BRINP3: variants seen among roughly 807,000 people sequenced by gnomAD.
BRINP3 encodes BMP/retinoic acid inducible neural specific 3.
Under a neutral mutation model 71.0 loss-of-function variants are expected in BRINP3, and 19 were observed. That is an observed-to-expected ratio of 0.27 (90% CI 0.19 to 0.39). BRINP3 has a LOEUF of 0.39. Ranked by LOEUF, BRINP3 falls within the 10% of genes least tolerant of loss-of-function variation. The probability of loss-of-function intolerance (pLI) is 1.00; values close to 1 mark genes in which losing one functional copy is unlikely to be tolerated. For missense variants in BRINP3, 959 were observed against 940.8 expected (o/e 1.02, Z -0.25); for synonymous variants, 380 against 337.7 (o/e 1.13, Z -1.37).
Position 190,268,202 on chromosome 1 carries a change from T to C in BRINP3, c.428-3147A>G, listed in dbSNP as rs527959061. Among the ~76,000 whole-genome samples, 3 of 152,274 alleles carry C rather than the reference T, an allele frequency of 2.0e-5. No individual in the cohort carries two copies. In the East Asian group the frequency reaches 5.8e-4, roughly 29 times the overall value. On this transcript the variant is annotated intron_variant, in intron 3 of 7. Coordinates refer to ENST00000367462, the MANE Select transcript of BRINP3 (RefSeq NM_199051.3). ...GCTATCCTCTATTACTTAAAATACA[T>C]TTATGAATAATTATAACTATTTATG... is the stretch of plus-strand genomic sequence containing the variant.
At chr1:190,386,348 C>T (rs1670906451) in intron 2 of BRINP3, among the ~76,000 whole-genome samples, 1 of 151,364 alleles carries the variant, frequency 6.6e-6, no homozygotes, top group African/African-American at 2.4e-5. Flanking sequence ...CAGGTCTGTA[C>T]TTGTGACATG....
intron 4 of BRINP3, among the ~76,000 whole-genome samples, chr1:190,260,217 A>T (rs1661064110): frequency 1.3e-5 from 2 of 152,038 alleles, no homozygotes. Context: ...AAATGTAGAG[A>T]TCCAATGTAT....
At chr1:190,365,472 TATTATAATATTA>T (rs1669422737) in intron 2 of BRINP3, among the ~76,000 whole-genome samples, 1 of 150,292 alleles carries the variant, frequency 6.7e-6, no homozygotes, top group East Asian at 1.9e-4. Context: ...ATTAAACAAA[TATTATAATATTA>T]ATTATAATGT....
chr1:190,220,486 C>A (rs1656781449), intron 6 of BRINP3, among the ~76,000 whole-genome samples: 1 of 151,850 alleles, frequency 6.6e-6, no homozygotes, highest in Non-Finnish European at 1.5e-5. Context: ...CCCGTGTATA[C>A]CTATGTAACA....
intron 6 of BRINP3, among the ~76,000 whole-genome samples, chr1:190,188,513 T>A (rs567364906): frequency 2.0e-5 from 3 of 152,278 alleles, no homozygotes; most frequent in Admixed American, 1.3e-4. Flanking sequence ...TATATAGCCT[T>A]TATTTCACTA....
intron 2 of BRINP3, among the ~76,000 whole-genome samples, chr1:190,412,402 T>TAG (rs995507102): frequency 1.4e-5 from 2 of 141,072 alleles, no homozygotes; most frequent in Non-Finnish European, 3.1e-5. Flanking sequence ...ATATTATATA[T>TAG]ATATATATAT....
At chr1:190,226,414 A>C in intron 5 of BRINP3, 96 bp from the exon 6 acceptor site, 2 of 653,208 alleles carry the variant, frequency 3.1e-6, no homozygotes, top group South Asian at 6.0e-5. Flanking sequence ...TAAATAATTT[A>C]GTGTATTAAA....
intron 6 of BRINP3, among the ~76,000 whole-genome samples, chr1:190,201,708 A>C (rs1305719487): frequency 2.6e-5 from 4 of 151,832 alleles, no homozygotes; most frequent in Non-Finnish European, 5.9e-5. Flanking sequence ...TGGTTGAAAT[A>C]GACCAACATA....
intron 2 of BRINP3, 130 bp downstream of exon 2, chr1:190,454,525 A>G (rs1042931472): frequency 6.0e-6 from 4 of 662,876 alleles, no homozygotes; most frequent in African/African-American, 3.6e-5. Flanking sequence ...AAACATTACT[A>G]TGGTGCATGG....
At chr1:190,355,527 C>CTT in intron 2 of BRINP3, among the ~76,000 whole-genome samples, 1 of 151,984 alleles carries the variant, frequency 6.6e-6, no homozygotes, top group South Asian at 2.1e-4. Flanking sequence ...TTTTTTACTG[C>CTT]TATAAACCTG....
At position 190,202,131 on chromosome 1, in the gene BRINP3, C is replaced by T. The variant is rs552155084; in HGVS notation, c.961+23951G>A. Among the ~76,000 whole-genome samples the T allele has an allele frequency of 2.1e-4, 32 of 152,252 alleles. 1 individual carries two copies. In the South Asian group the frequency reaches 6.6e-3, roughly 32 times the overall value. On this transcript the variant is annotated intron_variant, in intron 6 of 7. Coordinates refer to ENST00000367462, the MANE Select transcript of BRINP3 (RefSeq NM_199051.3). ...GGGAGGGAGACTGTACTCTTCAAAG[C>T]CACAGTGAAGAGCTGCCCAAGACCA...
chr1:190,465,684 T>C (rs563460227), intron 1 of BRINP3, among the ~76,000 whole-genome samples: 1 of 151,990 alleles, frequency 6.6e-6, no homozygotes, highest in African/African-American at 2.4e-5. Context: ...AAATTCTACT[T>C]TTTCTTGTTG....
chr1:190,170,707 G>T (rs1274105983), intron 6 of BRINP3, among the ~76,000 whole-genome samples: 1 of 152,144 alleles, frequency 6.6e-6, no homozygotes, highest in Non-Finnish European at 1.5e-5. Flanking sequence ...AATGGCAAAT[G>T]AAATTTAGGT....
Position 190,264,876 on chromosome 1 carries a change from T to A in BRINP3, c.607A>T (p.Thr203Ser). ...AAACTCATTCTTACCTTTATGGCAGTGGATGCAATTTGAATGTGGTGAAGT... is the reference window on the plus strand; with the variant it reads ...AAACTCATTCTTACCTTTATGGCAGAGGATGCAATTTGAATGTGGTGAAGT... ...RRLHHIQIAS[T>S]AIKVTETRTG... Residue 203 changes from threonine (T) to serine (S), a missense_variant, in exon 4 of 8, where the codon ACT (threonine) becomes TCT (serine). Physicochemically the swap from Thr to Ser is moderately conservative, Grantham distance 58. Coordinates refer to ENST00000367462, the MANE Select transcript of BRINP3 (RefSeq NM_199051.3). 1 of 1,613,128 alleles carries A rather than the reference T, an allele frequency of 6.2e-7. No individual in the cohort carries two copies. The highest frequency in any genetic ancestry group is 1.1e-5 in the South Asian group (1 of 91,006).
At chr1:190,184,621 A>C (rs1371070420) in intron 6 of BRINP3, among the ~76,000 whole-genome samples, 1 of 152,212 alleles carries the variant, frequency 6.6e-6, no homozygotes, top group Non-Finnish European at 1.5e-5. Flanking sequence ...TAAGCAAATT[A>C]ACGCAAAAAC....
chr1:190,301,238 C>A (rs369731148), intron 2 of BRINP3, among the ~76,000 whole-genome samples: 1 of 104,558 alleles, frequency 9.6e-6, no homozygotes, highest in Non-Finnish European at 2.0e-5. Context: ...TATATATACA[C>A]ACATACATAT....
intron 2 of BRINP3, among the ~76,000 whole-genome samples, chr1:190,399,358 A>C (rs1358610873): frequency 6.6e-6 from 1 of 151,818 alleles, no homozygotes; most frequent in African/African-American, 2.4e-5. Flanking sequence ...CTGACTAAAA[A>C]TAGAAAATCT....
rs113351839 is a variant in BRINP3, at chr1:190,364,810, G to A, written c.237-83060C>T. On this transcript the variant is annotated intron_variant, in intron 2 of 7. Transcript: ENST00000367462. ...CATTTATAATAAAGCTTAAAAACTG[G>A]AATTGGACTACCAAACTAGCTAAGT... Among the ~76,000 whole-genome samples the A allele has an allele frequency of 5.2e-3, 785 of 152,074 alleles. 7 individuals carry two copies. Among genetic ancestry groups the A allele is most frequent in the African/African-American group, 0.018 (737 of 41,492 alleles).
At chr1:190,302,019 G>C (rs1258829490) in intron 2 of BRINP3, among the ~76,000 whole-genome samples, 2 of 151,262 alleles carry the variant, frequency 1.3e-5, no homozygotes, top group Admixed American at 6.6e-5. Flanking sequence ...GTACTTTTAT[G>C]TTAAAAGCAA....
Sources: gnomAD v4.1 joint callset for allele counts (sites outside exome capture counted in the v4.1 genomes callset) on GRCh38, gnomAD v4.1.1 for gene constraint, MANE v1.5 for transcripts, NCBI Gene and HGNC (gene_info 2026-07-23, HGNC 2026-07-21) for gene names.